TGFBRAP1: variants seen among roughly 807,000 people sequenced by gnomAD.
TGFBRAP1 encodes the protein transforming growth factor beta receptor associated protein 1, also known as transforming growth factor-beta receptor-associated protein 1.
A neutral mutation model predicts 83.2 loss-of-function variants in TGFBRAP1; 20 were observed. The observed-to-expected ratio is 0.24, with a 90% CI of 0.17 to 0.35. The LOEUF (loss-of-function observed/expected upper bound fraction) is 0.35, where lower values mean the gene tolerates loss of function less well. Among genes scored for constraint, TGFBRAP1 ranks in the 10% least tolerant of loss-of-function variants. The pLI is 1.00. For missense variants in TGFBRAP1, 950 were observed against 1,099.4 expected (o/e 0.86, Z 1.92); for synonymous variants, 415 against 459.8 (o/e 0.90, Z 1.25).
chr2:105,267,287 T>A lies in TGFBRAP1; in HGVS notation c.*96A>T. 1 of 1,510,988 alleles carries A rather than the reference T, an allele frequency of 6.6e-7. No homozygotes were observed. Among genetic ancestry groups the A allele is most frequent in the Non-Finnish European group, 8.9e-7 (1 of 1,123,874 alleles). 93.6% of individuals were successfully genotyped at this position (1,510,988 alleles called of 1,614,324 possible). A position where few individuals can be genotyped will look rare whatever the true frequency, so the allele number is the denominator to read the frequency against. Reference sequence around the variant, plus strand: ...CCTGGCACCCAGATGTCTCCCTTCGTCCTGGCTGACACAGAGCATGGTGGT... The same window carrying A: ...CCTGGCACCCAGATGTCTCCCTTCGACCTGGCTGACACAGAGCATGGTGGT... On this transcript the variant is annotated 3_prime_UTR_variant, in exon 12 of 12. Coordinates refer to ENST00000393359, the MANE Select transcript of TGFBRAP1 (RefSeq NM_004257.6).
At chr2:105,261,743 C>T (rs1405957621), downstream of TGFBRAP1, among the ~76,000 whole-genome samples, 1 of 152,074 alleles carries the variant, frequency 6.6e-6, no homozygotes, top group Non-Finnish European at 1.5e-5. Context: ...CAGAGCAAGA[C>T]TCCATCTCAA....
chr2:105,327,495 G>A (rs1679257070), intron 1 of TGFBRAP1, among the ~76,000 whole-genome samples: 1 of 152,070 alleles, frequency 6.6e-6, no homozygotes, highest in Admixed American at 6.5e-5. Flanking sequence ...TTGAGTCTGG[G>A]AGATCAAGAC....
At chr2:105,255,032 C>G in the TGFBRAP1 span, among the ~76,000 whole-genome samples, 3 of 152,300 alleles carry the variant, frequency 2.0e-5, no homozygotes, top group African/African-American at 7.2e-5. Context: ...TATTTTGTTA[C>G]AGCAGACCAA....
At chr2:105,253,267 G>T in the TGFBRAP1 span, among the ~76,000 whole-genome samples, 4 of 152,096 alleles carry the variant, frequency 2.6e-5, no homozygotes, top group African/African-American at 9.7e-5. Context: ...CGAGTAGGTG[G>T]GATTACAGGC....
intron 10 of TGFBRAP1, among the ~76,000 whole-genome samples, chr2:105,270,432 G>A (rs184431385): frequency 1.4e-4 from 21 of 152,158 alleles, no homozygotes; most frequent in Non-Finnish European, 2.2e-4. Flanking sequence ...CACCCAGCCC[G>A]TCTGGAACTG....
rs1678172535 is a variant in TGFBRAP1 at position 105,298,655 on chromosome 2, A to G, written c.739T>C (p.Ser247Pro). 1 of 1,613,774 alleles carries G rather than the reference A, an allele frequency of 6.2e-7. No homozygotes were observed. Among genetic ancestry groups the G allele is most frequent in the Admixed American group, 1.7e-5 (1 of 59,976 alleles). The change falls in exon 3 of 12, where the codon TCG becomes CCG. Residue 247 changes from serine to proline, a missense_variant. Physicochemically the swap from Ser to Pro is moderately conservative, Grantham distance 74 (BLOSUM62 -1). Coordinates refer to ENST00000393359, the MANE Select transcript of TGFBRAP1 (RefSeq NM_004257.6). ...GISQRAPVHW[S>P]ENVIGAAVSF... ...ACAGCCGCCCCAATCACATTCTCCG[A>G]CCAGTGCACGGGGGCGCGCTGGGAT...
chr2:105,313,973 C>T (rs1190427305), intron 1 of TGFBRAP1, among the ~76,000 whole-genome samples: 1 of 152,132 alleles, frequency 6.6e-6, no homozygotes, highest in Non-Finnish European at 1.5e-5. Context: ...TCCTAACCCC[C>T]AGTACCCATG....
chr2:105,293,858 G>A (rs916743888), intron 4 of TGFBRAP1, among the ~76,000 whole-genome samples: 7 of 152,154 alleles, frequency 4.6e-5, no homozygotes, highest in African/African-American at 1.7e-4. Context: ...CAGGACCTAG[G>A]GGAGGGAGAA....
At chr2:105,293,542 C>A (rs1677984049) in intron 4 of TGFBRAP1, among the ~76,000 whole-genome samples, 1 of 152,194 alleles carries the variant, frequency 6.6e-6, no homozygotes, top group South Asian at 2.1e-4. Context: ...TCAAGCTTCT[C>A]ATCCTCTCCC....
intron 5 of TGFBRAP1, 106 bp from the exon 6 acceptor site, chr2:105,280,829 G>GGCTGGGGA (rs903168293): frequency 1.5e-5 from 19 of 1,253,690 alleles, no homozygotes. Flanking sequence ...GTTCACAGGG[G>GGCTGGGGA]GCTGGGGAGC....
intron 1 of TGFBRAP1, among the ~76,000 whole-genome samples, chr2:105,326,802 A>AT (rs1011143969): frequency 4.6e-5 from 7 of 152,184 alleles, no homozygotes; most frequent in East Asian, 1.9e-4. Flanking sequence ...TAAATATGTG[A>AT]TTTTTTCCTT....
rs1239157187 is a variant in TGFBRAP1 at position 105,266,219 on chromosome 2, G to A, written c.*1164C>T. On this transcript the variant is annotated 3_prime_UTR_variant, in exon 12 of 12. Transcript: ENST00000393359. ...GCAGGCACATAAAGTGCTGGAGGGT[G>A]ACACAGCCTGTCTGGATGTCCTCGG... 3 of 152,220 alleles carry A rather than the reference G, an allele frequency of 2.0e-5. No homozygotes were observed. The highest frequency in any genetic ancestry group is 4.4e-5 in the Non-Finnish European group (3 of 68,052). 9.4% of individuals were successfully genotyped at this position (152,220 alleles called of 1,614,324 possible). A position where few individuals can be genotyped will look rare whatever the true frequency, so the allele number is the denominator to read the frequency against.
intron 6 of TGFBRAP1, among the ~76,000 whole-genome samples, chr2:105,278,353 T>C (rs934462230): frequency 6.6e-6 from 1 of 152,108 alleles, no homozygotes; most frequent in African/African-American, 2.4e-5. Flanking sequence ...ACTAGAAGAA[T>C]ATGCAGAAGC....
chr2:105,252,920 T>G, the TGFBRAP1 span, among the ~76,000 whole-genome samples: 1 of 150,350 alleles, frequency 6.7e-6, no homozygotes, highest in African/African-American at 2.4e-5. Flanking sequence ...ACCCGGACAA[T>G]TTTTTTTGTA....
chr2:105,277,735 C>T (rs1242928300), intron 6 of TGFBRAP1, 64 bp from the exon 7 acceptor site: 57 of 1,427,258 alleles, frequency 4.0e-5, no homozygotes, highest in Non-Finnish European at 5.3e-5. Flanking sequence ...GACCTTCACA[C>T]AGTGACACCC....
intron 1 of TGFBRAP1, among the ~76,000 whole-genome samples, chr2:105,319,353 C>A (rs561307438): frequency 2.1e-4 from 31 of 149,438 alleles, no homozygotes; most frequent in Admixed American, 1.9e-3. Flanking sequence ...TGAGCCACTG[C>A]GCCTGGCCAA....
At chr2:105,300,068 T>A (rs1269299379) in intron 2 of TGFBRAP1, among the ~76,000 whole-genome samples, 2 of 152,208 alleles carry the variant, frequency 1.3e-5, no homozygotes, top group African/African-American at 4.8e-5. Context: ...TTATGTTTCA[T>A]CCACCCCCTT....
At chr2:105,325,872 A>G (rs1044676814) in intron 1 of TGFBRAP1, among the ~76,000 whole-genome samples, 2 of 152,198 alleles carry the variant, frequency 1.3e-5, no homozygotes, top group Non-Finnish European at 2.9e-5. Flanking sequence ...CAATAAATTT[A>G]CTGGCTTGTA....
chr2:105,268,389 G>A (rs1677022032), intron 11 of TGFBRAP1, among the ~76,000 whole-genome samples: 1 of 152,184 alleles, frequency 6.6e-6, no homozygotes, highest in African/African-American at 2.4e-5. Flanking sequence ...GTGGGTGAAA[G>A]AGAAGGTGAT....
Sources: gnomAD v4.1 joint callset for allele counts (sites outside exome capture counted in the v4.1 genomes callset) on GRCh38, gnomAD v4.1.1 for gene constraint, MANE v1.5 for transcripts, NCBI Gene and HGNC (gene_info 2026-07-23, HGNC 2026-07-21) for gene names.